Variants in ADGRV1 observed in about 807,000 individuals in gnomAD.
ADGRV1 encodes adhesion G protein-coupled receptor V1, also known as G-protein coupled receptor 98.
Under a neutral mutation model 596.2 loss-of-function variants are expected in ADGRV1, and 359 were observed. That is an observed-to-expected ratio of 0.60 (90% CI 0.55 to 0.66). The LOEUF (loss-of-function observed/expected upper bound fraction) is 0.66, where lower values mean the gene tolerates loss of function less well. Ranked by LOEUF, ADGRV1 falls within the 30% of genes least tolerant of loss-of-function variation. The probability of loss-of-function intolerance (pLI) is 0.00; values close to 1 mark genes in which losing one functional copy is unlikely to be tolerated. For synonymous variants in ADGRV1, 2,681 were observed against 2,679.2 expected, an observed-to-expected ratio of 1.00 and a Z score of -0.02; for missense variants, 7,274 against 7,575.6, an observed-to-expected ratio of 0.96 and a Z score of 1.48.
chr5:90,940,747 A>G (rs946597814), intron 83 of ADGRV1, among the ~76,000 whole-genome samples: 6 of 152,162 alleles, frequency 3.9e-5, no homozygotes, highest in East Asian at 1.9e-4. Context: ...AACCGGCACT[A>G]GTTAGTAGTG....
chr5:90,558,891 C>T lies in ADGRV1; in HGVS notation c.-5C>T. The T allele has an allele frequency of 2.6e-6, 4 of 1,559,606 alleles. No individual in the cohort carries two copies. The highest frequency in any genetic ancestry group is 3.5e-6 in the Non-Finnish European group (4 of 1,151,130). On this transcript the variant is annotated 5_prime_UTR_variant, in exon 1 of 90. Coordinates refer to ENST00000405460, the MANE Select transcript of ADGRV1 (RefSeq NM_032119.4). ...GGGCCGGCGGGGACCGCCGGGAGCG[C>T]GCGGATGTCGGTGTTCCTGGGGCCA...
chr5:90,950,892 T>C (rs1777004815), intron 83 of ADGRV1, among the ~76,000 whole-genome samples: 1 of 150,546 alleles, frequency 6.6e-6, no homozygotes, highest in Non-Finnish European at 1.5e-5. Flanking sequence ...TCTCTCTTTC[T>C]TCCTATGGAT....
chr5:90,658,503 A>G (rs1213993424), intron 21 of ADGRV1, among the ~76,000 whole-genome samples: 4 of 152,226 alleles, frequency 2.6e-5, no homozygotes, highest in Non-Finnish European at 5.9e-5. Flanking sequence ...AAGTTAGCAA[A>G]TGAAACTTTA....
Position 90,756,446 on chromosome 5 carries a change from T to TC in ADGRV1, c.11581-3dup, listed in dbSNP as rs34894132. 0.41 allele frequency: 598,281 copies of TC among 1,448,428 alleles called. 128,976 individuals carry two copies. The highest frequency in any genetic ancestry group is 0.56 in the Admixed American group (23,345 of 41,402). The allele number at this position is 1,448,428 out of a possible 1,614,324, so 89.7% of individuals were successfully genotyped here. A position where few individuals can be genotyped will look rare whatever the true frequency, so the allele number is the denominator to read the frequency against. ...AATGAAACACCATCTTTTTCCCCCA[T>TC]CCCCCAGGATGACCTTCCTGAATTG... On this transcript the variant is annotated splice_region_variant and splice_polypyrimidine_tract_variant and intron_variant, in intron 55 of 89. Coordinates refer to ENST00000405460, the MANE Select transcript of ADGRV1 (RefSeq NM_032119.4).
At chr5:91,104,860 C>CTTTT (rs60957930) in intron 87 of ADGRV1, among the ~76,000 whole-genome samples, 11 of 125,990 alleles carry the variant, frequency 8.7e-5, no homozygotes, top group Non-Finnish European at 1.3e-4. Flanking sequence ...CTTTTCTTTT[C>CTTTT]TTTTTTTTTT....
chr5:90,660,194 C>G (rs1770063932), intron 21 of ADGRV1, among the ~76,000 whole-genome samples: 1 of 152,012 alleles, frequency 6.6e-6, no homozygotes, highest in Non-Finnish European at 1.5e-5. Flanking sequence ...AGTTATTTCT[C>G]ATAAAATATG....
At chr5:90,619,532 C>G (rs1763777817) in intron 4 of ADGRV1, among the ~76,000 whole-genome samples, 1 of 152,116 alleles carries the variant, frequency 6.6e-6, no homozygotes, top group South Asian at 2.1e-4. Context: ...GTTTGTTTGT[C>G]AGACTCTTCT....
intron 58 of ADGRV1, 43 bp downstream of exon 58, chr5:90,759,631 G>A (rs537694449): frequency 9.7e-6 from 15 of 1,550,564 alleles, no homozygotes; most frequent in African/African-American, 4.1e-5. Context: ...TCAGGCTAGC[G>A]TTTCATGTAA....
chr5:90,832,197 GTACTAATT>G (rs2150333906), intron 77 of ADGRV1, among the ~76,000 whole-genome samples: 1 of 152,200 alleles, frequency 6.6e-6, no homozygotes, highest in South Asian at 2.1e-4. Context: ...CATAGTGGTT[GTACTAATT>G]TACATTCCTA....
chr5:90,666,883 T>G (rs2149513739), intron 21 of ADGRV1, among the ~76,000 whole-genome samples: 1 of 151,736 alleles, frequency 6.6e-6, no homozygotes, highest in African/African-American at 2.4e-5. Context: ...TTAGTTTGGC[T>G]GGATATGAAA....
chr5:90,756,172 A>C (rs1260333430), intron 55 of ADGRV1, among the ~76,000 whole-genome samples: 1 of 152,158 alleles, frequency 6.6e-6, no homozygotes, highest in South Asian at 2.1e-4. Context: ...ATACAATAGA[A>C]TATGGTCAAA....
At chr5:91,089,585 A>C (rs970233371) in intron 86 of ADGRV1, among the ~76,000 whole-genome samples, 2 of 152,122 alleles carry the variant, frequency 1.3e-5, no homozygotes, top group Admixed American at 6.6e-5. Flanking sequence ...ATTTATGATA[A>C]CTCATTCAAA....
chr5:90,933,715 C>G (rs1775448255), intron 83 of ADGRV1, among the ~76,000 whole-genome samples: 1 of 152,192 alleles, frequency 6.6e-6, no homozygotes, highest in Non-Finnish European at 1.5e-5. Context: ...GGGAAGTTCT[C>G]TGCCCTCCAA....
chr5:90,954,169 C>CTTTTT (rs70973717), intron 83 of ADGRV1, among the ~76,000 whole-genome samples: 2 of 138,424 alleles, frequency 1.4e-5, no homozygotes, highest in Non-Finnish European at 3.1e-5. Flanking sequence ...CCCAGCCTTG[C>CTTTTT]TTTTTTTTTT....
At position 90,976,807 on chromosome 5, in the gene ADGRV1, C is replaced by T. The variant is rs1396743196; in HGVS notation, c.17974-8537C>T. ...GCATCAGTTATGAAAGATATACAACCCTTGCATTGTTTTTGCAGTCTGCTC... is the reference window on the plus strand; with the variant it reads ...GCATCAGTTATGAAAGATATACAACTCTTGCATTGTTTTTGCAGTCTGCTC... On this transcript the variant is annotated intron_variant, in intron 84 of 89. Coordinates refer to ENST00000405460, the MANE Select transcript of ADGRV1 (RefSeq NM_032119.4). Among the ~76,000 whole-genome samples the T allele has an allele frequency of 5.9e-5, 9 of 152,228 alleles. No individual in the cohort carries two copies. The South Asian group carries it at 1.7e-3, about 28-fold the overall frequency.
At chr5:90,684,518 C>T (rs1219913804) in intron 28 of ADGRV1, among the ~76,000 whole-genome samples, 1 of 152,148 alleles carries the variant, frequency 6.6e-6, no homozygotes, top group African/African-American at 2.4e-5. Flanking sequence ...CTGTAACAAA[C>T]TGCCATAAAC....
chr5:90,871,493 T>C (rs1203126652), intron 83 of ADGRV1, among the ~76,000 whole-genome samples: 1 of 152,164 alleles, frequency 6.6e-6, no homozygotes, highest in East Asian at 1.9e-4. Context: ...ATTCAGACTT[T>C]CCCAAGTGCT....
At chr5:90,992,910 A>G (rs1781086639) in intron 85 of ADGRV1, among the ~76,000 whole-genome samples, 1 of 150,902 alleles carries the variant, frequency 6.6e-6, no homozygotes, top group African/African-American at 2.5e-5. Context: ...CAAAAATTAT[A>G]GAGTTTACAT....
chr5:91,104,807 G>A (rs1485569971), intron 87 of ADGRV1, among the ~76,000 whole-genome samples: 2 of 151,332 alleles, frequency 1.3e-5, no homozygotes, highest in Non-Finnish European at 2.9e-5. Context: ...AAAAGTAATG[G>A]CAAAAACTGC....
Sources: allele counts gnomAD v4.1 joint callset (sites outside exome capture counted in the v4.1 genomes callset), GRCh38; gene constraint gnomAD v4.1.1; transcripts MANE v1.5; gene names NCBI Gene and HGNC (gene_info 2026-07-23, HGNC 2026-07-21).